Variants in HTR1F observed in about 807,000 individuals in gnomAD.
HTR1F encodes 5-hydroxytryptamine (serotonin) receptor 1F, G protein-coupled.
HTR1F carries 17 observed loss-of-function variants against 24.0 expected under a neutral mutation model. That is an observed-to-expected ratio of 0.71 (90% CI 0.48 to 1.06). The LOEUF (loss-of-function observed/expected upper bound fraction) is 1.06, where lower values mean the gene tolerates loss of function less well. HTR1F is among the 50% of genes least tolerant of loss of function. The pLI, the probability that HTR1F is intolerant of heterozygous loss-of-function variation, is 0.00. For synonymous variants in HTR1F, 186 were observed against 156.8 expected (o/e 1.19, Z -1.39); for missense variants, 391 against 427.8 (o/e 0.91, Z 0.76).
At chr3:87,836,102 T>C (rs1704677702) in intron 2 of HTR1F, among the ~76,000 whole-genome samples, 2 of 152,194 alleles carry the variant, frequency 1.3e-5, no homozygotes, top group African/African-American at 4.8e-5. Flanking sequence ...ATCTGCAAAG[T>C]GGTGAACATG....
At chr3:87,916,396 T>C (rs139894461) in intron 2 of HTR1F, among the ~76,000 whole-genome samples, 308 of 148,716 alleles carry the variant, frequency 2.1e-3, no homozygotes, top group African/African-American at 7.4e-3. Context: ...TAACATTGAA[T>C]GTAAATGGCC....
chr3:87,938,205 A>G (rs1704475347), intron 2 of HTR1F, among the ~76,000 whole-genome samples: 1 of 152,230 alleles, frequency 6.6e-6, no homozygotes. Flanking sequence ...CAAAAAGGAT[A>G]AAGTACCTAG....
At chr3:87,835,302 C>CA (rs1171096291) in intron 2 of HTR1F, among the ~76,000 whole-genome samples, 1 of 151,834 alleles carries the variant, frequency 6.6e-6, no homozygotes, top group Non-Finnish European at 1.5e-5. Context: ...AACCCCACCC[C>CA]CAGGGCAGAC....
At chr3:87,815,741 T>G (rs572956289) in intron 1 of HTR1F, among the ~76,000 whole-genome samples, 101 of 152,212 alleles carry the variant, frequency 6.6e-4, no homozygotes, top group Non-Finnish European at 1.1e-3. Context: ...GAAGGCAAAT[T>G]TAGAAGCTCT....
intron 2 of HTR1F, among the ~76,000 whole-genome samples, chr3:87,945,733 T>C (rs566582697): frequency 7.9e-5 from 12 of 152,258 alleles, no homozygotes; most frequent in Admixed American, 6.5e-4. Context: ...TAATCGTTTT[T>C]AACTGGCTGA....
intron 2 of HTR1F, among the ~76,000 whole-genome samples, chr3:87,987,524 A>C (rs746409692): frequency 6.6e-6 from 1 of 151,040 alleles, no homozygotes; most frequent in Non-Finnish European, 1.5e-5. Flanking sequence ...ATATCAACTG[A>C]AAAGAATAGA....
At chr3:87,967,886 G>T (rs1054387086) in intron 2 of HTR1F, among the ~76,000 whole-genome samples, 1 of 152,116 alleles carries the variant, frequency 6.6e-6, no homozygotes, top group Non-Finnish European at 1.5e-5. Flanking sequence ...CAGCTGTAAA[G>T]ATACCTGAAA....
chr3:87,899,588 G>T (rs938160915), intron 2 of HTR1F, among the ~76,000 whole-genome samples: 2 of 152,166 alleles, frequency 1.3e-5, no homozygotes, highest in South Asian at 4.2e-4. Flanking sequence ...TATCATGGCC[G>T]GGTGCGGTGA....
At chr3:87,918,194 C>G (rs939574499) in intron 2 of HTR1F, among the ~76,000 whole-genome samples, 1 of 151,866 alleles carries the variant, frequency 6.6e-6, no homozygotes, top group African/African-American at 2.4e-5. Context: ...AAACTCTCAG[C>G]AAAATTGACA....
intron 2 of HTR1F, among the ~76,000 whole-genome samples, chr3:87,901,846 C>T (rs1218352076): frequency 6.6e-6 from 1 of 152,038 alleles, no homozygotes; most frequent in Non-Finnish European, 1.5e-5. Context: ...CTCTGGTTCA[C>T]TAGCTTCAAA....
intron 2 of HTR1F, among the ~76,000 whole-genome samples, chr3:87,965,540 C>T (rs1705146732): frequency 6.6e-6 from 1 of 151,998 alleles, no homozygotes; most frequent in African/African-American, 2.4e-5. Flanking sequence ...TTGGACCTTC[C>T]ATACAGTTAA....
intron 2 of HTR1F, among the ~76,000 whole-genome samples, chr3:87,989,325 G>A (rs9681975): frequency 0.26 from 39,641 of 152,100 alleles, 5,707 homozygotes; most frequent in Non-Finnish European, 0.33. Flanking sequence ...CCATTTCAGA[G>A]TGAGTGCCAT....
intron 2 of HTR1F, among the ~76,000 whole-genome samples, chr3:87,825,840 G>A (rs909256723): frequency 1.3e-5 from 2 of 152,158 alleles, no homozygotes; most frequent in African/African-American, 4.8e-5. Flanking sequence ...TACAGAAAGA[G>A]TGTAAGTTGT....
chr3:87,869,188 T>C (rs1217195006), intron 2 of HTR1F, among the ~76,000 whole-genome samples: 2 of 152,018 alleles, frequency 1.3e-5, no homozygotes, highest in African/African-American at 4.8e-5. Flanking sequence ...ATAATGCCAA[T>C]AGACTACTGA....
rs1471398142 is a variant in HTR1F, at chr3:87,941,060, G to T, written c.-42-49648G>T. On this transcript the variant is annotated intron_variant, in intron 2 of 2. Transcript: ENST00000319595. Reference sequence around the variant, plus strand: ...CTTTGGACCTGTGTAAGGACTCCTAGAGGTATTCCTGCTTTTTTCTGTGAC... The same window carrying T: ...CTTTGGACCTGTGTAAGGACTCCTATAGGTATTCCTGCTTTTTTCTGTGAC... Among the ~76,000 whole-genome samples, 3 of 152,318 alleles carry T rather than the reference G, an allele frequency of 2.0e-5. No individual in the cohort carries two copies. The East Asian group carries it at 5.8e-4, about 29-fold the overall frequency.
intron 2 of HTR1F, among the ~76,000 whole-genome samples, chr3:87,971,696 T>C (rs930179614): frequency 3.9e-5 from 6 of 152,236 alleles, no homozygotes; most frequent in Non-Finnish European, 7.3e-5. Flanking sequence ...TTGTGTATCT[T>C]TCTAGAAATA....
At chr3:87,986,182 A>T (rs923705490) in intron 2 of HTR1F, among the ~76,000 whole-genome samples, 11 of 152,236 alleles carry the variant, frequency 7.2e-5, no homozygotes, top group African/African-American at 2.7e-4. Context: ...GGAACTTAAG[A>T]TATAAAGGAA....
chr3:87,938,498 A>C (rs1451395447), intron 2 of HTR1F, among the ~76,000 whole-genome samples: 1 of 152,200 alleles, frequency 6.6e-6, no homozygotes, highest in Non-Finnish European at 1.5e-5. Context: ...CTAAGCAAAA[A>C]GACCAAAGCA....
intron 2 of HTR1F, among the ~76,000 whole-genome samples, chr3:87,850,059 AG>A (rs1705045790): frequency 6.6e-6 from 1 of 152,000 alleles, no homozygotes; most frequent in South Asian, 2.1e-4. Flanking sequence ...GTGATTCCTC[AG>A]GGATCTAAAA....
Sources: allele counts gnomAD v4.1 joint callset (sites outside exome capture counted in the v4.1 genomes callset), GRCh38; gene constraint gnomAD v4.1.1; transcripts MANE v1.5; gene names NCBI Gene and HGNC (gene_info 2026-07-23, HGNC 2026-07-21).